The following TMEM132C variants were observed in gnomAD, a reference collection of about 807,000 sequenced individuals.
TMEM132C encodes transmembrane protein 132C, also known as protein phosphatase 1, regulatory subunit 152.
In TMEM132C, 29 loss-of-function variants were observed where a neutral mutation model predicts 61.4. That is an observed-to-expected ratio of 0.47 (90% CI 0.35 to 0.64). The LOEUF (loss-of-function observed/expected upper bound fraction) is 0.64, where lower values mean the gene tolerates loss of function less well. TMEM132C is among the 30% of genes least tolerant of loss of function. The pLI, the probability that TMEM132C is intolerant of heterozygous loss-of-function variation, is 0.00. For synonymous variants in TMEM132C, 656 were observed against 633.1 expected (o/e 1.04, Z -0.54); for missense variants, 1,408 against 1,476.9 (o/e 0.95, Z 0.76).
intron 1 of TMEM132C, among the ~76,000 whole-genome samples, chr12:128,368,467 A>T (rs932203512): frequency 2.6e-5 from 4 of 152,192 alleles, no homozygotes; most frequent in Admixed American, 2.6e-4. Flanking sequence ...AGCGAAGATG[A>T]TAAGAAGGTC....
At chr12:128,651,432 A>G (rs573632908) in intron 4 of TMEM132C, among the ~76,000 whole-genome samples, 3 of 152,364 alleles carry the variant, frequency 2.0e-5, no homozygotes, top group African/African-American at 7.2e-5. Context: ...CCTTCGTCTT[A>G]AAGCGCCGTG....
chr12:128,398,894 T>A (rs1875052783), intron 1 of TMEM132C, among the ~76,000 whole-genome samples: 1 of 152,226 alleles, frequency 6.6e-6, no homozygotes, highest in Non-Finnish European at 1.5e-5. Context: ...TTTTCCCCAC[T>A]GACTTTTCAG....
chr12:128,538,491 C>G (rs186340986), intron 2 of TMEM132C, among the ~76,000 whole-genome samples: 1 of 152,296 alleles, frequency 6.6e-6, no homozygotes, highest in Non-Finnish European at 1.5e-5. Context: ...AACTCTTGGC[C>G]TCCAGGGATC....
intron 1 of TMEM132C, among the ~76,000 whole-genome samples, chr12:128,364,716 G>T (rs558340388): frequency 6.6e-6 from 1 of 152,332 alleles, no homozygotes; most frequent in East Asian, 1.9e-4. Context: ...GACCTTCAGT[G>T]AGTTCCCTCC....
chr12:128,459,938 A>G (rs1413835326), intron 2 of TMEM132C, among the ~76,000 whole-genome samples: 2 of 151,016 alleles, frequency 1.3e-5, no homozygotes, highest in East Asian at 3.9e-4. Flanking sequence ...TGAATTTGAG[A>G]TTCTCTTGGC....
At chr12:128,383,492 C>T (rs757788873) in intron 1 of TMEM132C, among the ~76,000 whole-genome samples, 17 of 152,090 alleles carry the variant, frequency 1.1e-4, no homozygotes, top group South Asian at 4.2e-4. Flanking sequence ...CTCTGGCATC[C>T]GACTGGGAAT....
chr12:128,455,230 A>G (rs148617704), intron 2 of TMEM132C, among the ~76,000 whole-genome samples: 1 of 152,330 alleles, frequency 6.6e-6, no homozygotes, highest in African/African-American at 2.4e-5. Flanking sequence ...CTGGGTAAAT[A>G]AATCATGGTG....
intron 2 of TMEM132C, among the ~76,000 whole-genome samples, chr12:128,456,949 GT>G (rs1186532377): frequency 6.6e-6 from 1 of 152,140 alleles, no homozygotes; most frequent in Non-Finnish European, 1.5e-5. Context: ...AGCTCCGCGT[GT>G]TTTGGGGATT....
At chr12:128,560,120 G>T (rs1874461871) in intron 3 of TMEM132C, among the ~76,000 whole-genome samples, 1 of 152,158 alleles carries the variant, frequency 6.6e-6, no homozygotes, top group African/African-American at 2.4e-5. Context: ...GGTGGCACAT[G>T]CCTGTAGTCC....
At chr12:128,282,990 G>T (rs1040270752) in intron 1 of TMEM132C, among the ~76,000 whole-genome samples, 1 of 152,148 alleles carries the variant, frequency 6.6e-6, no homozygotes, top group African/African-American at 2.4e-5. Flanking sequence ...TGTCTGCTGG[G>T]CTTCTCTACT....
chr12:128,398,266 A>G (rs1875031997), intron 1 of TMEM132C, among the ~76,000 whole-genome samples: 1 of 152,224 alleles, frequency 6.6e-6, no homozygotes, highest in Non-Finnish European at 1.5e-5. Context: ...CATACGTGCA[A>G]GCTGGCATTC....
intron 3 of TMEM132C, among the ~76,000 whole-genome samples, chr12:128,608,699 C>G (rs1876512599): frequency 6.6e-6 from 1 of 152,244 alleles, no homozygotes; most frequent in South Asian, 2.1e-4. Flanking sequence ...TTAAAAATTA[C>G]TAATGTCTGA....
At chr12:128,356,421 C>T (rs917601144) in intron 1 of TMEM132C, among the ~76,000 whole-genome samples, 2 of 152,122 alleles carry the variant, frequency 1.3e-5, no homozygotes, top group African/African-American at 4.8e-5. Flanking sequence ...TAAAACGCGT[C>T]GACTCCATGT....
At chr12:128,681,789 G>A (rs1308840955) in intron 5 of TMEM132C, among the ~76,000 whole-genome samples, 2 of 150,042 alleles carry the variant, frequency 1.3e-5, no homozygotes, top group Non-Finnish European at 3.0e-5. Context: ...GAGTAGCTGG[G>A]ACTACAGGTG....
chr12:128,526,717 G>A (rs1049591562), intron 2 of TMEM132C, among the ~76,000 whole-genome samples: 2 of 152,182 alleles, frequency 1.3e-5, no homozygotes, highest in African/African-American at 4.8e-5. Flanking sequence ...CCTCCCTAAG[G>A]TGGGATTTGA....
At chr12:128,583,647 C>T (rs1223356944) in intron 3 of TMEM132C, among the ~76,000 whole-genome samples, 1 of 152,134 alleles carries the variant, frequency 6.6e-6, no homozygotes, top group Non-Finnish European at 1.5e-5. Context: ...CCCTAGAGGA[C>T]AGGAGGGGAA....
intron 1 of TMEM132C, among the ~76,000 whole-genome samples, chr12:128,349,577 C>T (rs925579126): frequency 6.6e-6 from 1 of 152,180 alleles, no homozygotes; most frequent in Non-Finnish European, 1.5e-5. Context: ...TTCTAATTGC[C>T]ACTCATAGGT....
chr12:128,409,577 T>A (rs1011057290), intron 1 of TMEM132C, among the ~76,000 whole-genome samples: 1 of 152,144 alleles, frequency 6.6e-6, no homozygotes, highest in Admixed American at 6.5e-5. Flanking sequence ...TTTTAAAAAA[T>A]TGAGTTTCAC....
At position 128,384,044 on chromosome 12, in the gene TMEM132C, C is replaced by T. The variant is rs563489502; in HGVS notation, c.86-30688C>T. ...CAAAAACAAACAGCTCCACTACCAC[C>T]AAAGAAACCCAAACAAACAAACAAA... On this transcript the variant is annotated intron_variant, in intron 1 of 8. Coordinates refer to ENST00000435159, the MANE Select transcript of TMEM132C (RefSeq NM_001136103.3). Among the ~76,000 whole-genome samples the T allele has an allele frequency of 4.6e-5, 7 of 152,218 alleles. No individual in the cohort carries two copies. In the South Asian group the frequency reaches 1.5e-3, roughly 32 times the overall value.
Sources: gnomAD v4.1 joint callset for allele counts (sites outside exome capture counted in the v4.1 genomes callset) on GRCh38, gnomAD v4.1.1 for gene constraint, MANE v1.5 for transcripts, NCBI Gene and HGNC (gene_info 2026-07-23, HGNC 2026-07-21) for gene names.